NFIA: variants seen among roughly 807,000 people sequenced by gnomAD.
NFIA encodes the protein nuclear factor I A.
In NFIA, 8 loss-of-function variants were observed where a neutral mutation model predicts 62.8. The observed-to-expected ratio is 0.13, with a 90% CI of 0.07 to 0.23. NFIA has a LOEUF of 0.23. Ranked by LOEUF, NFIA falls within the 10% of genes least tolerant of loss-of-function variation. The pLI, the probability that NFIA is intolerant of heterozygous loss-of-function variation, is 1.00. For synonymous variants in NFIA, 235 were observed against 238.1 expected (o/e 0.99, Z 0.12); for missense variants, 410 against 642.1 (o/e 0.64, Z 3.91).
intron 2 of NFIA, among the ~76,000 whole-genome samples, chr1:61,126,780 T>TCC (rs1646980009): frequency 1.3e-3 from 2 of 1,590 alleles, no homozygotes; most frequent in Admixed American, 0.012. Context: ...CAGATTCCTT[T>TCC]TTTTTTTTTT....
At chr1:61,372,980 T>C (rs1368242246) in intron 6 of NFIA, among the ~76,000 whole-genome samples, 1 of 152,164 alleles carries the variant, frequency 6.6e-6, no homozygotes, top group East Asian at 1.9e-4. Context: ...TGGAATGTAT[T>C]GCCCTCTTCC....
intron 2 of NFIA, among the ~76,000 whole-genome samples, chr1:61,263,930 C>T (rs564799463): frequency 2.0e-4 from 31 of 152,004 alleles, no homozygotes; most frequent in African/African-American, 6.8e-4. Context: ...GCAGAGGTTG[C>T]AGTGAGCAGA....
intron 2 of NFIA, among the ~76,000 whole-genome samples, chr1:61,135,563 C>T (rs1647168463): frequency 6.6e-6 from 1 of 152,110 alleles, no homozygotes; most frequent in Non-Finnish European, 1.5e-5. Flanking sequence ...TGCCATCACA[C>T]CTGGATAATT....
chr1:61,355,380 G>A (rs1015215186), intron 5 of NFIA, among the ~76,000 whole-genome samples: 1 of 152,122 alleles, frequency 6.6e-6, no homozygotes, highest in African/African-American at 2.4e-5. Context: ...TACCCCTTCA[G>A]GGTAAACATC....
intron 6 of NFIA, among the ~76,000 whole-genome samples, chr1:61,370,652 T>G (rs1419815258): frequency 6.6e-6 from 1 of 152,158 alleles, no homozygotes; most frequent in Non-Finnish European, 1.5e-5. Flanking sequence ...TGGTTCTTGA[T>G]TCTCTGGTCT....
intron 2 of NFIA, 53 bp from the exon 3 acceptor site, chr1:61,277,467 G>A: frequency 6.4e-7 from 1 of 1,567,380 alleles, no homozygotes; most frequent in Non-Finnish European, 8.8e-7. Context: ...CACCTCTGAT[G>A]CACTTTCCCT....
At position 61,101,671 on chromosome 1, in the gene NFIA, A is replaced by G. The variant is rs371608978; in HGVS notation, c.559+12991A>G. 3.3e-5 allele frequency among the ~76,000 whole-genome samples: 5 copies of G among 152,142 alleles called. No homozygotes were observed. In the East Asian group the frequency reaches 9.7e-4, roughly 29 times the overall value. ...AGTAGCATAGCCACCTAAATTCCCT[A>G]TTTTGCTCCTTCTTGGAAAAAAGTT... is the stretch of plus-strand genomic sequence containing the variant. On this transcript the variant is annotated intron_variant, in intron 2 of 10. Transcript: ENST00000403491.
chr1:61,120,707 G>A (rs1156315092), intron 2 of NFIA, among the ~76,000 whole-genome samples: 1 of 152,178 alleles, frequency 6.6e-6, no homozygotes, highest in Non-Finnish European at 1.5e-5. Flanking sequence ...CATTTTGGAA[G>A]TTATTAACAA....
intron 2 of NFIA, among the ~76,000 whole-genome samples, chr1:61,160,397 A>G (rs1392512652): frequency 6.6e-6 from 1 of 152,192 alleles, no homozygotes; most frequent in Non-Finnish European, 1.5e-5. Flanking sequence ...GGTGATTCTG[A>G]TGCAGCTAAA....
At chr1:61,268,815 C>T (rs1440950014) in intron 2 of NFIA, among the ~76,000 whole-genome samples, 1 of 152,098 alleles carries the variant, frequency 6.6e-6, no homozygotes, top group Non-Finnish European at 1.5e-5. Context: ...TCATCTGATC[C>T]ATGGCTTGCA....
chr1:61,452,251 A>C (rs527292328), intron 10 of NFIA, among the ~76,000 whole-genome samples: 1 of 99,718 alleles, frequency 1.0e-5, no homozygotes, highest in Non-Finnish European at 1.9e-5. Flanking sequence ...AGGGAGATGT[A>C]TGAATTATTA....
intron 4 of NFIA, among the ~76,000 whole-genome samples, 174 bp downstream of exon 4, chr1:61,332,760 A>G (rs565541044): frequency 1.3e-5 from 2 of 152,328 alleles, no homozygotes; most frequent in African/African-American, 4.8e-5. Flanking sequence ...AGGAAAAATT[A>G]AATATTATTT....
intron 2 of NFIA, among the ~76,000 whole-genome samples, chr1:61,163,016 C>T (rs1445348588): frequency 6.6e-6 from 1 of 152,014 alleles, no homozygotes; most frequent in Non-Finnish European, 1.5e-5. Flanking sequence ...ATATCAGCTG[C>T]TAATGTGTGG....
At chr1:61,104,586 T>TC (rs1379286901) in intron 2 of NFIA, among the ~76,000 whole-genome samples, 2 of 151,890 alleles carry the variant, frequency 1.3e-5, no homozygotes, top group Non-Finnish European at 2.9e-5. Context: ...AAGAGTTTCT[T>TC]CCCCCCAACA....
At chr1:61,405,105 G>C (rs1177472391) in intron 8 of NFIA, among the ~76,000 whole-genome samples, 2 of 152,054 alleles carry the variant, frequency 1.3e-5, no homozygotes, top group Non-Finnish European at 2.9e-5. Flanking sequence ...AATTATTACT[G>C]GCCAATTTAG....
At chr1:61,254,610 A>G (rs1205218336) in intron 2 of NFIA, among the ~76,000 whole-genome samples, 3 of 152,232 alleles carry the variant, frequency 2.0e-5, no homozygotes, top group Admixed American at 2.0e-4. Context: ...GTAAAATGCT[A>G]CACATGAAGT....
intron 2 of NFIA, among the ~76,000 whole-genome samples, chr1:61,188,620 A>G (rs924653152): frequency 6.6e-6 from 1 of 152,222 alleles, no homozygotes; most frequent in East Asian, 1.9e-4. Context: ...CGACATCATC[A>G]TCATCGTCAT....
Position 61,082,697 on chromosome 1 carries a change from T to G in NFIA, c.-95T>G. 6.5e-7 allele frequency: 1 copy of G among 1,533,252 alleles called. No individual in the cohort carries two copies. 95.0% of individuals were successfully genotyped at this position (1,533,252 alleles called of 1,614,324 possible). On this transcript the variant is annotated 5_prime_UTR_variant, in exon 1 of 11. Coordinates refer to ENST00000403491, the MANE Select transcript of NFIA (RefSeq NM_001134673.4). ...TTCTCTCTCTCTCTCTCTCTCTCTC[T>G]TCCTCTCTCCCTCTTTCTCCTCTCT... is the stretch of plus-strand genomic sequence containing the variant.
intron 2 of NFIA, among the ~76,000 whole-genome samples, chr1:61,170,233 C>T (rs536105927): frequency 6.6e-6 from 1 of 152,300 alleles, no homozygotes; most frequent in Admixed American, 6.5e-5. Flanking sequence ...TCCTTGACCC[C>T]AGAGGTTAAG....
Sources: gnomAD v4.1 joint callset for allele counts (sites outside exome capture counted in the v4.1 genomes callset) on GRCh38, gnomAD v4.1.1 for gene constraint, MANE v1.5 for transcripts, NCBI Gene and HGNC (gene_info 2026-07-23, HGNC 2026-07-21) for gene names.